The following SYT1 variants were observed in gnomAD, a reference collection of about 807,000 sequenced individuals.
SYT1 encodes synaptotagmin 1, also known as synaptotagmin-1.
A neutral mutation model predicts 44.8 loss-of-function variants in SYT1; 8 were observed. The observed-to-expected ratio is 0.18, with a 90% CI of 0.10 to 0.32. The LOEUF (loss-of-function observed/expected upper bound fraction) is 0.32. Ranked by LOEUF, SYT1 falls within the 10% of genes least tolerant of loss-of-function variation. The pLI, the probability that SYT1 is intolerant of heterozygous loss-of-function variation, is 1.00. For synonymous variants in SYT1, 154 were observed against 188.8 expected (o/e 0.82, Z 1.51); for missense variants, 286 against 509.3 (o/e 0.56, Z 4.22).
chr12:78,993,678 G>A (rs1870171010), intron 2 of SYT1, among the ~76,000 whole-genome samples: 1 of 152,118 alleles, frequency 6.6e-6, no homozygotes, highest in Non-Finnish European at 1.5e-5. Context: ...GTATTTACAT[G>A]AACCATATGA....
intron 1 of SYT1, among the ~76,000 whole-genome samples, chr12:78,901,723 CACCA>C (rs149681117): frequency 1.3e-5 from 2 of 152,254 alleles, no homozygotes; most frequent in East Asian, 3.9e-4. Context: ...TCTCCTCAGA[CACCA>C]ACTGGTTGTT....
chr12:78,931,232 AAAGAAAGAAGGAAGGAAGG>A (rs1877661068), intron 1 of SYT1, among the ~76,000 whole-genome samples: 4 of 63,200 alleles, frequency 6.3e-5, no homozygotes, highest in African/African-American at 3.7e-4. Context: ...AGAAAGAAAG[AAAGAAAGAAGGAAGGAAGG>A]AAGGAAGGAA....
chr12:79,116,449 G>T (rs1879283156), intron 3 of SYT1, among the ~76,000 whole-genome samples: 4 of 152,114 alleles, frequency 2.6e-5, no homozygotes, highest in Non-Finnish European at 5.9e-5. Flanking sequence ...TTGGTGAGGT[G>T]TTGACTTAGG....
chr12:78,946,227 AT>A (rs1264874480), intron 1 of SYT1, among the ~76,000 whole-genome samples: 1 of 152,200 alleles, frequency 6.6e-6, no homozygotes, highest in Non-Finnish European at 1.5e-5. Flanking sequence ...GAACAGGTTT[AT>A]TCAGGCCTCA....
intron 4 of SYT1, among the ~76,000 whole-genome samples, chr12:79,263,586 G>T (rs61428892): frequency 8.5e-4 from 129 of 152,122 alleles, no homozygotes; most frequent in African/African-American, 3.0e-3. Flanking sequence ...TCCAGGAAAT[G>T]GCTGGATTTA....
Position 79,299,500 on chromosome 12 carries a change from T to G in SYT1, c.759T>G (p.Phe253Leu). 1 of 1,613,590 alleles carries G rather than the reference T, an allele frequency of 6.2e-7. No homozygotes were observed. The highest frequency in any genetic ancestry group is 8.5e-7 in the Non-Finnish European group (1 of 1,179,608). ...EFKVPMNTVDFGHVTEEWRDL... is the reference protein window; with the variant it reads ...EFKVPMNTVDLGHVTEEWRDL... Reference sequence around the variant, plus strand: ...AAGTCCCTATGAACACAGTGGATTTTGGCCATGTAACTGAGGAATGGCGTG... The same window carrying G: ...AAGTCCCTATGAACACAGTGGATTTGGGCCATGTAACTGAGGAATGGCGTG... The change falls in exon 8 of 11, where the codon TTT becomes TTG. Residue 253 changes from phenylalanine to leucine, a missense_variant. Physicochemically the swap from Phe to Leu is conservative, Grantham distance 22. Coordinates refer to ENST00000261205, the MANE Select transcript of SYT1 (RefSeq NM_005639.3).
chr12:79,393,543 C>T (rs1260920184), intron 9 of SYT1: 1 of 152,196 alleles, frequency 6.6e-6, no homozygotes, highest in Non-Finnish European at 1.5e-5. Flanking sequence ...ATTTGCATTT[C>T]TCTGATGACC....
intron 3 of SYT1, among the ~76,000 whole-genome samples, chr12:79,095,444 CT>C (rs1012220537): frequency 6.6e-6 from 1 of 151,506 alleles, no homozygotes; most frequent in African/African-American, 2.4e-5. Context: ...TGTGTCTCTT[CT>C]TTTTTTTAAT....
chr12:78,923,827 A>G (rs974596160), intron 1 of SYT1, among the ~76,000 whole-genome samples: 2 of 151,804 alleles, frequency 1.3e-5, no homozygotes, highest in African/African-American at 4.8e-5. Context: ...TAAAGGCATG[A>G]TCTCTCATCA....
intron 9 of SYT1, among the ~76,000 whole-genome samples, chr12:79,363,516 G>A (rs1361874287): frequency 6.6e-6 from 1 of 151,554 alleles, no homozygotes; most frequent in Non-Finnish European, 1.5e-5. Context: ...CTTGAGCCCA[G>A]GAGTTTGAGA....
At chr12:79,211,403 T>C (rs943681232) in intron 3 of SYT1, among the ~76,000 whole-genome samples, 2 of 152,210 alleles carry the variant, frequency 1.3e-5, no homozygotes. Flanking sequence ...AGATTAATTT[T>C]TTATTGAGAA....
At chr12:79,153,884 G>A (rs1186140552) in intron 3 of SYT1, among the ~76,000 whole-genome samples, 5 of 152,078 alleles carry the variant, frequency 3.3e-5, no homozygotes, top group Admixed American at 3.3e-4. Context: ...TATAAAACAT[G>A]TACCCACATG....
At chr12:79,392,947 C>T (rs1314183131) in intron 9 of SYT1, 1 of 151,592 alleles carries the variant, frequency 6.6e-6, no homozygotes, top group Non-Finnish European at 1.5e-5. Flanking sequence ...AACGCTATCC[C>T]TCCCCAAGCC....
intron 9 of SYT1, among the ~76,000 whole-genome samples, chr12:79,376,130 C>T (rs1295838123): frequency 3.9e-5 from 6 of 152,158 alleles, no homozygotes; most frequent in African/African-American, 1.2e-4. Flanking sequence ...CTTTCTTAAT[C>T]TAAATGTTAC....
chr12:79,014,143 AAAAAAAAAAAGAAAG>A lies in SYT1; in HGVS notation c.-83-33148_-83-33134del, dbSNP rs1256942563. Among the ~76,000 whole-genome samples, 705 of 148,524 alleles carry A rather than the reference AAAAAAAAAAAGAAAG, an allele frequency of 4.7e-3. 8 individuals are homozygous for A. Among genetic ancestry groups the A allele is most frequent in the African/African-American group, 0.017 (658 of 38,880 alleles). On this transcript the variant is annotated intron_variant, in intron 2 of 10. Coordinates refer to ENST00000261205, the MANE Select transcript of SYT1 (RefSeq NM_005639.3). ...TCTCCAAAAAAAAAAAAAAAAGAAAAAAAAAAAAAAGAAAGAAAAAGGAAAAGAAAATAAGCCTTG... is the reference window on the plus strand; with the variant it reads ...TCTCCAAAAAAAAAAAAAAAAGAAAAAAAAAGGAAAAGAAAATAAGCCTTG...
At chr12:78,914,917 G>T (rs1369080827) in intron 1 of SYT1, among the ~76,000 whole-genome samples, 2 of 152,008 alleles carry the variant, frequency 1.3e-5, no homozygotes, top group African/African-American at 4.8e-5. Flanking sequence ...TGCCACATTA[G>T]TCATACAGAA....
At chr12:79,418,125 G>T (rs1689167658) in intron 9 of SYT1, among the ~76,000 whole-genome samples, 1 of 152,092 alleles carries the variant, frequency 6.6e-6, no homozygotes, top group Non-Finnish European at 1.5e-5. Context: ...TTAATTACTT[G>T]GTTATAGGTC....
rs17005437 is a variant in SYT1 at position 79,250,440 on chromosome 12, G to A, written c.166+32755G>A. Among the ~76,000 whole-genome samples, 605 of 152,276 alleles carry A rather than the reference G, an allele frequency of 4.0e-3. 8 individuals carry two copies. Among genetic ancestry groups the A allele is most frequent in the African/African-American group, 0.014 (588 of 41,550 alleles). Reference sequence around the variant, plus strand: ...CACCCTCAGATATGTCAATTTCCTTGAGTCCAGCAAGAACAGACCACTTAA... The same window carrying A: ...CACCCTCAGATATGTCAATTTCCTTAAGTCCAGCAAGAACAGACCACTTAA... On this transcript the variant is annotated intron_variant, in intron 4 of 10. Transcript: ENST00000261205.
intron 9 of SYT1, among the ~76,000 whole-genome samples, chr12:79,409,706 A>C (rs1214365251): frequency 6.6e-6 from 1 of 152,036 alleles, no homozygotes; most frequent in Non-Finnish European, 1.5e-5. Flanking sequence ...GAAGGCATAG[A>C]CATTCCCTGT....
Sources: allele counts gnomAD v4.1 joint callset (sites outside exome capture counted in the v4.1 genomes callset), GRCh38; gene constraint gnomAD v4.1.1; transcripts MANE v1.5; gene names NCBI Gene and HGNC (gene_info 2026-07-23, HGNC 2026-07-21).